Variants in CSE1L observed in about 807,000 individuals in gnomAD.
CSE1L encodes the protein chromosome segregation 1 like.
CSE1L carries 24 observed loss-of-function variants against 120.4 expected under a neutral mutation model. That is an observed-to-expected ratio of 0.20 (90% confidence interval 0.14 to 0.28). CSE1L has a LOEUF of 0.28. CSE1L is among the 10% of genes least tolerant of loss of function. CSE1L has a pLI of 1.00. For missense variants in CSE1L, 830 were observed against 1,145.2 expected (o/e 0.72, Z 3.97); for synonymous variants, 402 against 398.3 (o/e 1.01, Z -0.11).
chr20:49,066,403 T>G lies in CSE1L; in HGVS notation c.369T>G (p.Phe123Leu). ...TTAGCATTATTGGCAGAGAAGATTT[T>G]CCACAGAAATGGCCTGACTTGCTGA... ...DAISIIGRED[F>L]PQKWPDLLTE... Residue 123 changes from phenylalanine (F) to leucine (L), a missense_variant, in exon 5 of 25, where the codon TTT becomes TTG. By Grantham distance (22) the Phe-to-Leu change is conservative (BLOSUM62 0). Around this residue, in one of 4 missense-constraint regions of CSE1L, gnomAD observed 543 missense variants for 640.2 expected, o/e 0.85. Transcript: ENST00000262982. 1 of 1,614,222 alleles carries G rather than the reference T, an allele frequency of 6.2e-7. No homozygotes were observed. The highest frequency in any genetic ancestry group is 1.7e-5 in the Admixed American group (1 of 60,026).
chr20:49,050,492 TC>T (rs1156346902), intron 1 of CSE1L, among the ~76,000 whole-genome samples: 1 of 143,660 alleles, frequency 7.0e-6, no homozygotes, highest in Non-Finnish European at 1.5e-5. Flanking sequence ...AACCTCTGCC[TC>T]CCGGGTTCAA....
chr20:49,077,375 G>A (rs1289952071), intron 13 of CSE1L, among the ~76,000 whole-genome samples: 1 of 151,958 alleles, frequency 6.6e-6, no homozygotes, highest in African/African-American at 2.4e-5. Flanking sequence ...GGCCAGGCTG[G>A]TCTCAAACTC....
At chr20:49,086,871 T>C (rs2092062654) in intron 16 of CSE1L, among the ~76,000 whole-genome samples, 1 of 152,172 alleles carries the variant, frequency 6.6e-6, no homozygotes, top group Non-Finnish European at 1.5e-5. Context: ...CTCTAGGAAG[T>C]GATCTCTAAG....
intron 14 of CSE1L, among the ~76,000 whole-genome samples, chr20:49,079,145 G>A (rs567420490): frequency 1.3e-5 from 2 of 151,802 alleles, no homozygotes; most frequent in African/African-American, 4.8e-5. Flanking sequence ...TGTTCACCTC[G>A]GCCTCCCAAA....
intron 6 of CSE1L, 102 bp from the exon 7 acceptor site, chr20:49,068,609 ATAAG>A (rs1489250366): frequency 1.3e-5 from 10 of 765,544 alleles, no homozygotes; most frequent in Non-Finnish European, 2.2e-6. Context: ...AAAAAAATAA[ATAAG>A]TAAAATATGA....
At chr20:49,081,237 C>T (rs1005251935) in intron 14 of CSE1L, among the ~76,000 whole-genome samples, 8 of 152,108 alleles carry the variant, frequency 5.3e-5, no homozygotes, top group Admixed American at 2.6e-4. Flanking sequence ...ACCCCTGCCT[C>T]GGTCTCCGAA....
intron 8 of CSE1L, among the ~76,000 whole-genome samples, chr20:49,071,322 CCTT>C (rs2123706292): frequency 6.6e-6 from 1 of 152,292 alleles, no homozygotes. Context: ...GAAAAACACT[CCTT>C]CAGAAAACAA....
intron 13 of CSE1L, among the ~76,000 whole-genome samples, chr20:49,077,498 C>T (rs2091978629): frequency 6.6e-6 from 1 of 151,918 alleles, no homozygotes; most frequent in Admixed American, 6.6e-5. Flanking sequence ...AAATGGTTTC[C>T]CCAGATCTTG....
intron 8 of CSE1L, among the ~76,000 whole-genome samples, chr20:49,071,893 A>T (rs945680851): frequency 6.9e-6 from 1 of 144,282 alleles, no homozygotes; most frequent in Non-Finnish European, 1.5e-5. Flanking sequence ...ACGTGAACCC[A>T]GGAGGCGGAG....
intron 21 of CSE1L, 41 bp from the exon 22 acceptor site, chr20:49,092,005 G>A (rs374798375): frequency 7.3e-6 from 8 of 1,100,136 alleles, no homozygotes; most frequent in African/African-American, 4.7e-5. Context: ...AGTTTAGTGC[G>A]TGAGTTCTCT....
intron 23 of CSE1L, among the ~76,000 whole-genome samples, chr20:49,094,496 T>A (rs532351865): frequency 6.6e-6 from 1 of 152,282 alleles, no homozygotes; most frequent in African/African-American, 2.4e-5. Context: ...ATGGACCCCT[T>A]TAAGAGTCTG....
intron 1 of CSE1L, among the ~76,000 whole-genome samples, chr20:49,047,559 C>CTTTTTTTTTTTTTTTTTTTTTTT (rs1568757225): frequency 1.6e-5 from 1 of 61,088 alleles, no homozygotes; most frequent in African/African-American, 6.7e-5. Context: ...TTTCTTTTCT[C>CTTTTTTTTTTTTTTTTTTTTTTT]TTTTCTTTTT....
In CSE1L at chr20:49,072,705, TG is replaced by T; in HGVS notation, c.1066+10del. ...CTAACATGGAATTTAGAGGTAATTA[TG>T]GCAAAAGTATATTAGTATAAATCTA... is the stretch of plus-strand genomic sequence containing the variant. On this transcript the variant is annotated intron_variant, in intron 10 of 24. Coordinates refer to ENST00000262982, the MANE Select transcript of CSE1L (RefSeq NM_001316.4). The T allele has an allele frequency of 6.2e-7, 1 of 1,602,716 alleles. No individual in the cohort carries two copies. The highest frequency in any genetic ancestry group is 8.5e-7 in the Non-Finnish European group (1 of 1,176,522).
intron 12 of CSE1L, 103 bp from the exon 13 acceptor site, chr20:49,076,877 C>T: frequency 1.5e-6 from 1 of 654,388 alleles, no homozygotes; most frequent in South Asian, 2.1e-5. Flanking sequence ...TTGAAGTGTT[C>T]ATCTCCATTT....
At chr20:49,093,571 T>C (rs1327698981) in intron 22 of CSE1L, among the ~76,000 whole-genome samples, 1 of 110,470 alleles carries the variant, frequency 9.1e-6, no homozygotes, top group East Asian at 2.3e-4. Context: ...TCTCTTTTTT[T>C]TTTTTTTTTC....
At chr20:49,085,674 C>T (rs1226668661) in intron 16 of CSE1L, among the ~76,000 whole-genome samples, 1 of 141,146 alleles carries the variant, frequency 7.1e-6, no homozygotes, top group Non-Finnish European at 1.5e-5. Flanking sequence ...TGGGTTCAAG[C>T]GATTCTCCTG....
intron 1 of CSE1L, among the ~76,000 whole-genome samples, chr20:49,050,924 C>T (rs1221813506): frequency 6.6e-6 from 1 of 151,992 alleles, no homozygotes; most frequent in Admixed American, 6.6e-5. Context: ...AGTCAACCAA[C>T]CAAAATAAAG....
chr20:49,067,074 C>T (rs562150237), intron 5 of CSE1L, 116 bp from the exon 6 acceptor site: 22 of 346,122 alleles, frequency 6.4e-5, no homozygotes, highest in African/African-American at 2.1e-4. Context: ...CTTTGAATTT[C>T]GGAATTTCGG....
At chr20:49,075,976 T>C (rs541866664) in intron 12 of CSE1L, among the ~76,000 whole-genome samples, 12 of 149,214 alleles carry the variant, frequency 8.0e-5, no homozygotes, top group Admixed American at 5.4e-4. Flanking sequence ...GGATTACAAG[T>C]GTGCACTACC....
Sources: allele counts gnomAD v4.1 joint callset (sites outside exome capture counted in the v4.1 genomes callset), GRCh38; gene constraint gnomAD v4.1.1; regional missense constraint gnomAD v4.1.1; transcripts MANE v1.5; gene names NCBI Gene and HGNC (gene_info 2026-07-23, HGNC 2026-07-21).